LEO1: variants seen among roughly 807,000 people sequenced by gnomAD.
LEO1 encodes LEO1 component of Paf1/RNA polymerase II complex.
LEO1 carries 34 observed loss-of-function variants against 80.4 expected under a neutral mutation model. The observed-to-expected ratio is 0.42, with a 90% CI of 0.32 to 0.56. The LOEUF (loss-of-function observed/expected upper bound fraction) is 0.56. LEO1 is among the 20% of genes least tolerant of loss of function. The pLI is 0.10. For synonymous variants in LEO1, 262 were observed against 274.9 expected (o/e 0.95, Z 0.46); for missense variants, 631 against 814.2 (o/e 0.77, Z 2.74).
In LEO1 at chr15:51,971,721, C is replaced by G; in HGVS notation, c.25G>C (p.Gly9Arg). 2.5e-6 allele frequency: 4 copies of G among 1,614,196 alleles called. No homozygotes were observed. Among genetic ancestry groups the G allele is most frequent in the East Asian group, 2.2e-5 (1 of 44,890 alleles). The change falls in exon 1 of 12, where the codon GGG (glycine) becomes CGG (arginine). Residue 9 changes from glycine to arginine, a missense_variant. Gly to Arg is a moderately radical substitution (Grantham distance 125). Coordinates refer to ENST00000299601, the MANE Select transcript of LEO1 (RefSeq NM_138792.4). ...TCAGCTTCGCTGTCGGCGTCGCTCC[C>G]GAAGAGATCCTCCATATCCGCCATT... MADMEDLFGSDADSEAERK... is the reference protein window; with the variant it reads MADMEDLFRSDADSEAERK...
intron 11 of LEO1, among the ~76,000 whole-genome samples, chr15:51,944,030 G>A (rs2056879404): frequency 6.6e-6 from 1 of 152,096 alleles, no homozygotes; most frequent in Admixed American, 6.6e-5. Flanking sequence ...ACAGAAAACA[G>A]CAGAAAAAAT....
chr15:51,948,770 A>G (rs934650900), intron 10 of LEO1, among the ~76,000 whole-genome samples: 1 of 152,234 alleles, frequency 6.6e-6, no homozygotes, highest in East Asian at 1.9e-4. Context: ...GGCAGGACTC[A>G]GATGAGAGCG....
intron 9 of LEO1, 116 bp from the exon 10 acceptor site, chr15:51,950,110 G>C (rs1409471464): frequency 3.3e-6 from 3 of 913,006 alleles, no homozygotes; most frequent in Admixed American, 5.6e-5. Flanking sequence ...GCTGTGCCGT[G>C]TGTGTTCCCC....
intron 7 of LEO1, 97 bp from the exon 8 acceptor site, chr15:51,953,360 C>T (rs920756189): frequency 2.3e-6 from 3 of 1,285,714 alleles, no homozygotes; most frequent in Non-Finnish European, 3.3e-6. Context: ...CAGTGGCCCA[C>T]ATGTGTAATC....
At chr15:51,939,388 C>G (rs1301994688) in intron 11 of LEO1, among the ~76,000 whole-genome samples, 1 of 152,116 alleles carries the variant, frequency 6.6e-6, no homozygotes, top group Non-Finnish European at 1.5e-5. Flanking sequence ...ACACTTGTTT[C>G]CTGCCTTATT....
At chr15:51,945,242 C>T (rs1232191638) in intron 11 of LEO1, among the ~76,000 whole-genome samples, 1 of 98,188 alleles carries the variant, frequency 1.0e-5, no homozygotes, top group Non-Finnish European at 2.1e-5. Context: ...CATGCTGAAA[C>T]CCCATCTCTA....
At chr15:51,955,182 C>T (rs2623257) in intron 6 of LEO1, 7,233 of 152,314 alleles carry the variant, frequency 0.047, 403 homozygotes, top group African/African-American at 0.12. Context: ...TCATAATCCG[C>T]CCGCCTGGGC....
At chr15:51,970,070 A>C (rs1433828841) in intron 1 of LEO1, among the ~76,000 whole-genome samples, 1 of 152,142 alleles carries the variant, frequency 6.6e-6, no homozygotes, top group East Asian at 1.9e-4. Flanking sequence ...CTGCTCCTCA[A>C]AATATTAAAG....
intron 6 of LEO1, among the ~76,000 whole-genome samples, chr15:51,958,143 T>C (rs1167639165): frequency 2.0e-5 from 3 of 152,158 alleles, no homozygotes; most frequent in Non-Finnish European, 2.9e-5. Context: ...CTTGTTCCCT[T>C]GTGCAACTCA....
chr15:51,952,612 C>T (rs1021349277), intron 8 of LEO1, among the ~76,000 whole-genome samples: 3 of 152,192 alleles, frequency 2.0e-5, no homozygotes, highest in African/African-American at 7.2e-5. Flanking sequence ...CATACTCAGT[C>T]TAGAGAAGGA....
chr15:51,958,242 G>A (rs1271013061), intron 6 of LEO1, among the ~76,000 whole-genome samples: 2 of 151,012 alleles, frequency 1.3e-5, no homozygotes, highest in Non-Finnish European at 1.5e-5. Flanking sequence ...GATCACTTGA[G>A]CTCAGAAGTT....
In LEO1 at chr15:51,938,098, T is replaced by C; in HGVS notation, c.*58A>G. On this transcript the variant is annotated 3_prime_UTR_variant, in exon 12 of 12. Coordinates refer to ENST00000299601, the MANE Select transcript of LEO1 (RefSeq NM_138792.4). ...GATTCATTTCAATCAAAATAACTCA[T>C]GTTTACATATTTATAACTGTACAAT... 1 of 814,520 alleles carries C rather than the reference T, an allele frequency of 1.2e-6. No individual in the cohort carries two copies. Among genetic ancestry groups the C allele is most frequent in the South Asian group, 1.7e-5 (1 of 57,928 alleles). The allele number at this position is 814,520 out of a possible 1,614,324, so 50.5% of individuals were successfully genotyped here.
At chr15:51,971,536 G>A in intron 1 of LEO1, 152 bp downstream of exon 1, 3 of 723,982 alleles carry the variant, frequency 4.1e-6, no homozygotes, top group Non-Finnish European at 7.2e-6. Flanking sequence ...GCCCGCCGGA[G>A]GAGGATGGCA....
intron 7 of LEO1, 150 bp downstream of exon 7, chr15:51,954,331 G>A: frequency 1.7e-6 from 1 of 605,454 alleles, no homozygotes; most frequent in Non-Finnish European, 2.9e-6. Flanking sequence ...CCACTGAGCT[G>A]TTATCATGTC....
chr15:51,969,801 A>T lies in LEO1; in HGVS notation c.58+1887T>A, dbSNP rs192063012. Reference sequence around the variant, plus strand: ...GGTTGCAGTGAGCCAAGATTGTACCACTGCACTGCAGCCTGGGAGACAGAC... The same window carrying T: ...GGTTGCAGTGAGCCAAGATTGTACCTCTGCACTGCAGCCTGGGAGACAGAC... On this transcript the variant is annotated intron_variant, in intron 1 of 11. Coordinates refer to ENST00000299601, the MANE Select transcript of LEO1 (RefSeq NM_138792.4). Among the ~76,000 whole-genome samples the T allele has an allele frequency of 4.2e-5, 6 of 141,420 alleles. No homozygotes were observed. The East Asian group carries it at 1.3e-3, about 31-fold the overall frequency. The allele number at this position is 141,420 out of a possible 152,430, so 92.8% of individuals were successfully genotyped here. A position where few individuals can be genotyped will look rare whatever the true frequency, so the allele number is the denominator to read the frequency against.
intron 10 of LEO1, 76 bp from the exon 11 acceptor site, chr15:51,947,465 G>C: frequency 1.0e-6 from 1 of 971,384 alleles, no homozygotes; most frequent in Non-Finnish European, 1.6e-6. Context: ...GCCCAGGCTG[G>C]AGTGCAGTGG....
intron 1 of LEO1, among the ~76,000 whole-genome samples, chr15:51,967,616 CAAAG>C (rs2057088536): frequency 6.6e-6 from 1 of 152,126 alleles, no homozygotes. Flanking sequence ...CTGTCAAAGA[CAAAG>C]AAACAATTCC....
intron 6 of LEO1, among the ~76,000 whole-genome samples, chr15:51,957,446 G>A (rs918279162): frequency 2.0e-5 from 3 of 152,084 alleles, no homozygotes; most frequent in African/African-American, 7.2e-5. Context: ...TAGATGGGTG[G>A]TGGAGGGAGG....
In LEO1 at chr15:51,966,445, C is replaced by T; in HGVS notation, c.118G>A (p.Ala40Thr). 6.2e-7 allele frequency: 1 copy of T among 1,613,750 alleles called. No individual in the cohort carries two copies. The highest frequency in any genetic ancestry group is 8.5e-7 in the Non-Finnish European group (1 of 1,179,794). The part of the protein sequence containing the change: ...DQENAASGSN[A>T]SGSESDQDER... ...TCCTGATCACTTTCACTTCCAGAGG[C>T]ATTACTGCCAGAGGCAGCATTCTCT... The change falls in exon 2 of 12, where the codon GCC becomes ACC. Residue 40 changes from alanine (A) to threonine (T), a missense_variant. By Grantham distance (58) the Ala-to-Thr change is moderately conservative. This residue lies in a region of LEO1 where 394 missense variants were observed against 395.6 expected (regional missense o/e 1.00). Transcript: ENST00000299601.
Sources: allele counts gnomAD v4.1 joint callset (sites outside exome capture counted in the v4.1 genomes callset), GRCh38; gene constraint gnomAD v4.1.1; regional missense constraint gnomAD v4.1.1; transcripts MANE v1.5; gene names NCBI Gene and HGNC (gene_info 2026-07-23, HGNC 2026-07-21).